PACS2: variants seen among roughly 807,000 people sequenced by gnomAD.
PACS2 encodes the protein phosphofurin acidic cluster sorting protein 2, also known as PACS1-like protein.
In PACS2, 36 loss-of-function variants were observed where a neutral mutation model predicts 113.0. That is an observed-to-expected ratio of 0.32 (90% confidence interval 0.24 to 0.42). The LOEUF is 0.42. PACS2 is among the 10% of genes least tolerant of loss of function. The probability of loss-of-function intolerance (pLI) is 1.00; values close to 1 mark genes in which losing one functional copy is unlikely to be tolerated. For synonymous variants in PACS2, 589 were observed against 536.1 expected (o/e 1.10, Z -1.36); for missense variants, 1,015 against 1,239.5 (o/e 0.82, Z 2.72).
chr14:105,390,194 A>G, intron 20 of PACS2, 191 bp downstream of exon 20: 1 of 652,256 alleles, frequency 1.5e-6, no homozygotes, highest in Admixed American at 2.2e-5. Flanking sequence ...GTGGGGCCAG[A>G]GGTTGTTAGT....
chr14:105,301,666 G>T (rs1830009569), intron 1 of PACS2, among the ~76,000 whole-genome samples: 1 of 152,258 alleles, frequency 6.6e-6, no homozygotes, highest in African/African-American at 2.4e-5. Flanking sequence ...TCCGTTTTCT[G>T]TTCCCCTAAA....
In PACS2 at chr14:105,366,916, G is replaced by A. The variant is rs1437210368; in HGVS notation, c.424-297G>A. On this transcript the variant is annotated intron_variant, in intron 4 of 24. Coordinates refer to ENST00000447393, the MANE Select transcript of PACS2 (RefSeq NM_001100913.3). The surrounding 1 kb of genome is among the most constrained non-coding windows in gnomAD (Gnocchi z 4.3). ...TCTCAGTCCCTCGTGACTGTGCCTG[G>A]CACTGGCCTCTCCAGCACAGCCCAG... Among the ~76,000 whole-genome samples, 1 of 152,136 alleles carries A rather than the reference G, an allele frequency of 6.6e-6. No homozygotes were observed. The highest frequency in any genetic ancestry group is 1.5e-5 in the Non-Finnish European group (1 of 68,020).
chr14:105,375,240 G>A (rs926693667), intron 8 of PACS2, among the ~76,000 whole-genome samples: 8 of 152,174 alleles, frequency 5.3e-5, no homozygotes, highest in South Asian at 4.1e-4. Flanking sequence ...AGAACTTTGG[G>A]AGGCCGAGGC....
intron 1 of PACS2, among the ~76,000 whole-genome samples, chr14:105,316,299 C>T (rs587730224): frequency 1.3e-5 from 2 of 152,352 alleles, no homozygotes; most frequent in East Asian, 1.9e-4. Flanking sequence ...TGCCTGCTTG[C>T]CTCTCTTCTG....
At position 105,355,747 on chromosome 14, in the gene PACS2, C is replaced by T. The variant is rs2060417379; in HGVS notation, c.423+570C>T. The stretch of plus-strand genomic sequence containing the variant: ...GGAAAAGAAACAGCCAAGCAGCAGC[C>T]CACCTTGCTCCAGAGAACCCAGCGT... On this transcript the variant is annotated intron_variant, in intron 4 of 24. Transcript: ENST00000447393. This position sits in a 1 kb window ranked among gnomAD's most constrained non-coding sequence, Gnocchi z 4.1. 1.3e-5 allele frequency among the ~76,000 whole-genome samples: 2 copies of T among 152,180 alleles called. No individual in the cohort carries two copies. The highest frequency in any genetic ancestry group is 1.3e-4 in the Admixed American group (2 of 15,286).
At chr14:105,381,444 T>G (rs2080991408) in intron 12 of PACS2, among the ~76,000 whole-genome samples, 1 of 152,214 alleles carries the variant, frequency 6.6e-6, no homozygotes, top group Admixed American at 6.5e-5. Flanking sequence ...ATTTCATGTT[T>G]CTGTGATATT....
chr14:105,339,132 C>T (rs1160094713), intron 1 of PACS2, among the ~76,000 whole-genome samples: 3 of 152,178 alleles, frequency 2.0e-5, no homozygotes, highest in Admixed American at 6.5e-5. Context: ...TGGTGGTTCC[C>T]GTAGCTAAGT....
intron 1 of PACS2, among the ~76,000 whole-genome samples, chr14:105,303,395 C>G (rs1336068902): frequency 6.6e-6 from 1 of 152,122 alleles, no homozygotes; most frequent in Non-Finnish European, 1.5e-5. Context: ...AGGTGCCCAC[C>G]ACCATGCCTG....
chr14:105,301,564 G>A (rs996501980), intron 1 of PACS2, among the ~76,000 whole-genome samples: 3 of 151,890 alleles, frequency 2.0e-5, no homozygotes, highest in South Asian at 2.1e-4. Flanking sequence ...GGAGACACCC[G>A]CCAGGGGCCA....
chr14:105,368,366 C>CG (rs1344025920), intron 6 of PACS2, 93 bp from the exon 7 acceptor site: 1 of 1,008,298 alleles, frequency 9.9e-7, no homozygotes, highest in African/African-American at 1.6e-5. Flanking sequence ...CTCTCAGTGC[C>CG]GGGCCTCTCC....
At position 105,391,656 on chromosome 14, in the gene PACS2, G is replaced by A. The variant is rs782809204; in HGVS notation, c.2145G>A (p.Ser715=). 57 of 1,610,386 alleles carry A rather than the reference G, an allele frequency of 3.5e-5. No homozygotes were observed. The highest frequency in any genetic ancestry group is 4.1e-5 in the Non-Finnish European group (48 of 1,179,430). ...TSGDSDDAAP[S]GSGTLSSTPP... The stretch of plus-strand genomic sequence containing the variant: ...GCGACTCGGACGACGCGGCCCCCTC[G>A]GGCTCTGGCACGCTCTCCTCCACCC... Residue 715 remains serine (S), a synonymous_variant, in exon 22 of 25, where the codon TCG becomes TCA. Coordinates refer to ENST00000447393, the MANE Select transcript of PACS2 (RefSeq NM_001100913.3).
chr14:105,312,967 C>G (rs587685200), upstream of PACS2, among the ~76,000 whole-genome samples: 3 of 152,170 alleles, frequency 2.0e-5, no homozygotes, highest in African/African-American at 7.2e-5. Flanking sequence ...CCTCACAGGC[C>G]GCCATCTCCT....
chr14:105,394,161 C>A, intron 24 of PACS2: 1 of 983,916 alleles, frequency 1.0e-6, no homozygotes, highest in Non-Finnish European at 1.2e-6. Flanking sequence ...GTCGACGTGG[C>A]CCTGTCTCCC....
intron 6 of PACS2, 61 bp downstream of exon 6, chr14:105,368,208 TG>T: frequency 8.1e-7 from 1 of 1,230,372 alleles, no homozygotes; most frequent in Non-Finnish European, 1.2e-6. Context: ...CTGGGGTCTG[TG>T]GGGTCCTCAC....
In PACS2 at chr14:105,317,453, C is replaced by T. The variant is rs587697612; in HGVS notation, c.119+2416C>T. 2.0e-5 allele frequency among the ~76,000 whole-genome samples: 3 copies of T among 152,256 alleles called. No individual in the cohort carries two copies. The highest frequency in any genetic ancestry group is 1.9e-4 in the East Asian group (1 of 5,180). On this transcript the variant is annotated intron_variant, in intron 1 of 24. Coordinates refer to ENST00000447393, the MANE Select transcript of PACS2 (RefSeq NM_001100913.3). The surrounding 1 kb of genome is among the most constrained non-coding windows in gnomAD (Gnocchi z 4.2). ...CTGCTCCGGCCCCCACTGACAGGGA[C>T]GAGAGTCCCCACTGCTCCACATTTG...
intron 1 of PACS2, among the ~76,000 whole-genome samples, chr14:105,345,763 A>C (rs963896035): frequency 1.4e-4 from 22 of 152,172 alleles, no homozygotes; most frequent in African/African-American, 5.3e-4. Flanking sequence ...CCTATGGTCT[A>C]TCTTGGTTCA....
chr14:105,314,952 G>T lies in PACS2; in HGVS notation c.34G>T (p.Ala12Ser). ...GCGAGGCCGCCTCGGCCTCCCCGGC[G>T]CGCCCGGCGCGCTCAACACGCCCGT... ...AERGRLGLPG[A>S]PGALNTPVPM... The change falls in exon 1 of 25, where the codon GCG becomes TCG. Residue 12 changes from alanine to serine, a missense_variant. This residue lies in a region of PACS2 where 140 missense variants were observed against 135.1 expected (regional missense o/e 1.04). Coordinates refer to ENST00000447393, the MANE Select transcript of PACS2 (RefSeq NM_001100913.3). 1 of 1,179,876 alleles carries T rather than the reference G, an allele frequency of 8.5e-7. No individual in the cohort carries two copies. Among genetic ancestry groups the T allele is most frequent in the Non-Finnish European group, 1.1e-6 (1 of 935,300 alleles). 73.1% of individuals were successfully genotyped at this position (1,179,876 alleles called of 1,614,324 possible).
At chr14:105,322,040 C>G (rs142278728) in intron 1 of PACS2, among the ~76,000 whole-genome samples, 1 of 151,046 alleles carries the variant, frequency 6.6e-6, no homozygotes, top group Non-Finnish European at 1.5e-5. Flanking sequence ...CGGGTTCAAG[C>G]GATTCTCCTG....
intron 22 of PACS2, 126 bp downstream of exon 22, chr14:105,391,892 AG>A: frequency 9.8e-7 from 1 of 1,017,178 alleles, no homozygotes. Context: ...ACGAAGGCGG[AG>A]GGGCTCTGCA....
Sources: allele counts gnomAD v4.1 joint callset (sites outside exome capture counted in the v4.1 genomes callset), GRCh38; gene constraint gnomAD v4.1.1; regional missense constraint gnomAD v4.1.1; non-coding constraint Gnocchi (gnomAD v3.1); transcripts MANE v1.5; gene names NCBI Gene and HGNC (gene_info 2026-07-23, HGNC 2026-07-21).